Variants in PKHD1 observed in about 807,000 individuals in gnomAD.
The protein encoded by PKHD1 is fibrocystin.
In PKHD1, 291 loss-of-function variants were observed where a neutral mutation model predicts 412.0. The ratio of observed to expected loss-of-function variants is 0.71; its 90% CI spans 0.64 to 0.78. PKHD1 has a LOEUF of 0.78. Among genes scored for constraint, PKHD1 ranks in the 30% least tolerant of loss-of-function variants. The probability of loss-of-function intolerance (pLI) is 0.00; values close to 1 mark genes in which losing one functional copy is unlikely to be tolerated. For missense variants in PKHD1, 4,825 were observed against 4,950.7 expected, an observed-to-expected ratio of 0.97 and a Z score of 0.76; for synonymous variants, 1,777 against 1,821.5, an observed-to-expected ratio of 0.98 and a Z score of 0.62.
intron 27 of PKHD1, among the ~76,000 whole-genome samples, chr6:52,037,057 A>G (rs957977885): frequency 6.6e-6 from 1 of 152,166 alleles, no homozygotes; most frequent in African/African-American, 2.4e-5. Flanking sequence ...CTATGTGGTA[A>G]AATAAAATAT....
At chr6:51,785,895 G>GTTCTCTAGATATTATCTAGATATCTA (rs1792775160) in intron 53 of PKHD1, among the ~76,000 whole-genome samples, 2 of 151,914 alleles carry the variant, frequency 1.3e-5, no homozygotes, top group Non-Finnish European at 2.9e-5. Flanking sequence ...TCATAAATCT[G>GTTCTCTAGATATTATCTAGATATCTA]CTTGTTCTCT....
In PKHD1 at chr6:52,040,755, T is replaced by C. The variant is rs535264849; in HGVS notation, c.3097+2104A>G. On this transcript the variant is annotated intron_variant, in intron 27 of 66. Transcript: ENST00000371117. ...CTTCACTTCACCCATATCTCCCTTC[T>C]CTAAGGCCACTCATGTCATTCCTCC... Among the ~76,000 whole-genome samples the C allele has an allele frequency of 8.5e-5, 13 of 152,280 alleles. No homozygotes were observed. The South Asian group carries it at 2.5e-3, about 29-fold the overall frequency.
At chr6:51,866,800 T>C (rs180871405) in intron 48 of PKHD1, among the ~76,000 whole-genome samples, 554 of 152,226 alleles carry the variant, frequency 3.6e-3, no homozygotes, top group Non-Finnish European at 5.2e-3. Flanking sequence ...GCTGCATCCC[T>C]GAGAATGAAG....
intron 34 of PKHD1, among the ~76,000 whole-genome samples, chr6:52,015,142 A>G (rs1313960661): frequency 6.6e-6 from 1 of 152,210 alleles, no homozygotes; most frequent in Non-Finnish European, 1.5e-5. Flanking sequence ...ACTTCTCAAT[A>G]TATTATAAAT....
intron 9 of PKHD1, 87 bp from the exon 10 acceptor site, chr6:52,070,532 A>C: frequency 1.1e-6 from 1 of 909,730 alleles, no homozygotes; most frequent in Non-Finnish European, 1.8e-6. Flanking sequence ...CAAAGACTCC[A>C]ATATCATCAA....
At chr6:51,966,593 C>T (rs971017896) in intron 35 of PKHD1, among the ~76,000 whole-genome samples, 4 of 152,080 alleles carry the variant, frequency 2.6e-5, no homozygotes, top group Non-Finnish European at 2.9e-5. Flanking sequence ...CCAACACTTA[C>T]GGGGTGCACT....
intron 37 of PKHD1, among the ~76,000 whole-genome samples, chr6:51,925,815 TCTCTC>T (rs951958620): frequency 4.6e-5 from 7 of 152,040 alleles, no homozygotes; most frequent in African/African-American, 1.7e-4. Context: ...TTTATCTCTC[TCTCTC>T]TTTTTATCTC....
At chr6:51,955,744 T>C (rs1268414224) in intron 36 of PKHD1, among the ~76,000 whole-genome samples, 2 of 152,094 alleles carry the variant, frequency 1.3e-5, no homozygotes, top group African/African-American at 2.4e-5. Context: ...TTCTTTGTAA[T>C]ATAGAAATGG....
intron 52 of PKHD1, among the ~76,000 whole-genome samples, chr6:51,795,564 GT>G (rs1794471424): frequency 6.6e-6 from 1 of 152,162 alleles, no homozygotes; most frequent in African/African-American, 2.4e-5. Flanking sequence ...CCAATACTAT[GT>G]TGAATGGGAG....
rs112470361 is a variant in PKHD1, at chr6:51,702,202, G to A, written c.10156+42183C>T. On this transcript the variant is annotated intron_variant, in intron 60 of 66. Transcript: ENST00000371117. ...ATATAATATATTATATATATTATAC[G>A]TATAATATATAATATATTATATATA... 4.1e-3 allele frequency among the ~76,000 whole-genome samples: 600 copies of A among 145,098 alleles called. 3 individuals are homozygous for A. Among genetic ancestry groups the A allele is most frequent in the African/African-American group, 8.4e-3 (333 of 39,578 alleles).
At chr6:52,045,768 T>A (rs1805705279) in intron 24 of PKHD1, among the ~76,000 whole-genome samples, 1 of 152,192 alleles carries the variant, frequency 6.6e-6, no homozygotes, top group Non-Finnish European at 1.5e-5. Context: ...ATAACTTCAC[T>A]ACCTACACTG....
At chr6:51,898,125 G>C (rs1780458320) in intron 43 of PKHD1, among the ~76,000 whole-genome samples, 1 of 151,774 alleles carries the variant, frequency 6.6e-6, no homozygotes, top group Non-Finnish European at 1.5e-5. Context: ...AGTCAACAAG[G>C]ATACCCAGGA....
At chr6:51,818,009 A>T (rs748777961) in intron 52 of PKHD1, among the ~76,000 whole-genome samples, 2 of 152,196 alleles carry the variant, frequency 1.3e-5, no homozygotes, top group East Asian at 3.9e-4. Flanking sequence ...AGGTAAGAGC[A>T]ATGTTTTTTA....
At chr6:51,815,292 T>C (rs1765271151) in intron 52 of PKHD1, among the ~76,000 whole-genome samples, 1 of 152,124 alleles carries the variant, frequency 6.6e-6, no homozygotes, top group African/African-American at 2.4e-5. Flanking sequence ...GACATAAAAG[T>C]AAGTAATATT....
In PKHD1 at chr6:51,896,984, G is replaced by A. The variant is rs578217857; in HGVS notation, c.6996+6613C>T. ...GAGAAAAAAGAATAAAAAGAAATGA[G>A]CAAAGCCTCCAAGAAATATGGGACT... On this transcript the variant is annotated intron_variant, in intron 43 of 66. Coordinates refer to ENST00000371117, the MANE Select transcript of PKHD1 (RefSeq NM_138694.4). 4.5e-4 allele frequency among the ~76,000 whole-genome samples: 68 copies of A among 150,316 alleles called. 1 individual carries two copies. Among genetic ancestry groups the A allele is most frequent in the African/African-American group, 1.5e-3 (62 of 41,092 alleles).
At chr6:51,619,810 G>A (rs962305813) in intron 66 of PKHD1, among the ~76,000 whole-genome samples, 9 of 152,078 alleles carry the variant, frequency 5.9e-5, no homozygotes, top group African/African-American at 2.2e-4. Context: ...CTTACCAACT[G>A]GCCAACTCAC....
Position 51,644,351 on chromosome 6 carries a change from G to T in PKHD1, c.11398+3680C>A, listed in dbSNP as rs930187849. 5.1e-4 allele frequency among the ~76,000 whole-genome samples: 77 copies of T among 152,110 alleles called. 6 individuals are homozygous for T. Among genetic ancestry groups the T allele is most frequent in the Non-Finnish European group, 4.4e-5 (3 of 68,026 alleles). Reference sequence around the variant, plus strand: ...GGAACAATGTCATCAGAAATGGTAGGCAATGTGCACCATATGATAGGAACA... The same window carrying T: ...GGAACAATGTCATCAGAAATGGTAGTCAATGTGCACCATATGATAGGAACA... On this transcript the variant is annotated intron_variant, in intron 63 of 66. Coordinates refer to ENST00000371117, the MANE Select transcript of PKHD1 (RefSeq NM_138694.4).
intron 64 of PKHD1, among the ~76,000 whole-genome samples, chr6:51,638,412 C>T (rs907701241): frequency 1.1e-4 from 17 of 151,980 alleles, no homozygotes; most frequent in Admixed American, 1.0e-3. Context: ...AATTTACATA[C>T]CCCTTATTCT....
intron 37 of PKHD1, among the ~76,000 whole-genome samples, chr6:51,930,190 A>G (rs1219595866): frequency 6.6e-6 from 1 of 152,112 alleles, no homozygotes; most frequent in Non-Finnish European, 1.5e-5. Flanking sequence ...CAAGAGTGAA[A>G]TTTCCTTATT....
Sources: allele counts gnomAD v4.1 joint callset (sites outside exome capture counted in the v4.1 genomes callset), GRCh38; gene constraint gnomAD v4.1.1; transcripts MANE v1.5; gene names NCBI Gene and HGNC (gene_info 2026-07-23, HGNC 2026-07-21).